ST18: variants seen among roughly 807,000 people sequenced by gnomAD.
ST18 encodes ST18 C2H2C-type zinc finger transcription factor, also known as suppression of tumorigenicity 18 protein.
A neutral mutation model predicts 110.0 loss-of-function variants in ST18; 50 were observed. The observed-to-expected ratio is 0.45, with a 90% CI of 0.36 to 0.58. The LOEUF (loss-of-function observed/expected upper bound fraction) is 0.58, where lower values mean the gene tolerates loss of function less well. Ranked by LOEUF, ST18 falls within the 20% of genes least tolerant of loss-of-function variation. The pLI is 0.00. For synonymous variants in ST18, 461 were observed against 452.4 expected, an observed-to-expected ratio of 1.02 and a Z score of -0.24; for missense variants, 1,306 against 1,280.1, an observed-to-expected ratio of 1.02 and a Z score of -0.31.
intron 4 of ST18, 118 bp from the exon 5 acceptor site, chr8:52,220,966 A>T (rs1358518382): frequency 6.6e-6 from 1 of 152,252 alleles, no homozygotes; most frequent in Non-Finnish European, 1.5e-5. Flanking sequence ...CTATAGTTTG[A>T]TTGTACTACA....
In ST18 at chr8:52,257,435, A is replaced by G. The variant is rs536653919; in HGVS notation, c.-464-27358T>C. 2.4e-4 allele frequency among the ~76,000 whole-genome samples: 37 copies of G among 152,044 alleles called. 1 individual carries two copies. The highest frequency in any genetic ancestry group is 6.3e-4 in the African/African-American group (26 of 41,502). ...AGAGTTCCAATTTCTCTCTATCCTC[A>G]CCAACACTTTTTATTGTCTATCTTT... is the stretch of plus-strand genomic sequence containing the variant. On this transcript the variant is annotated intron_variant, in intron 2 of 25. Transcript: ENST00000689386.
chr8:52,212,031 A>T, intron 8 of ST18, 48 bp downstream of exon 8: 1 of 1,568,732 alleles, frequency 6.4e-7, no homozygotes, highest in Non-Finnish European at 8.7e-7. Flanking sequence ...CATTCGAATA[A>T]TCAAGGCCCA....
intron 2 of ST18, among the ~76,000 whole-genome samples, chr8:52,336,900 C>A (rs1356568247): frequency 6.6e-6 from 1 of 152,192 alleles, no homozygotes; most frequent in Non-Finnish European, 1.5e-5. Context: ...CCCTACCATG[C>A]CCCTTCTGTA....
intron 15 of ST18, among the ~76,000 whole-genome samples, chr8:52,151,374 G>C (rs1048099904): frequency 4.6e-5 from 7 of 152,108 alleles, no homozygotes; most frequent in Non-Finnish European, 8.8e-5. Context: ...AGGTAAATAC[G>C]CTTCTAATAT....
At chr8:52,163,891 C>A (rs1587445620) in intron 13 of ST18, 95 bp downstream of exon 13, 5 of 932,944 alleles carry the variant, frequency 5.4e-6, no homozygotes, top group Non-Finnish European at 6.6e-6. Context: ...GAGGGGAGGT[C>A]AAGCCACAGA....
intron 2 of ST18, among the ~76,000 whole-genome samples, chr8:52,304,828 C>T (rs1329142875): frequency 6.6e-6 from 1 of 152,172 alleles, no homozygotes; most frequent in Admixed American, 6.5e-5. Context: ...GCTGTGTTCT[C>T]ACATGGAGGA....
intron 19 of ST18, among the ~76,000 whole-genome samples, chr8:52,134,823 G>A (rs11990419): frequency 0.06 from 9,153 of 152,174 alleles, 874 homozygotes; most frequent in African/African-American, 0.21. Flanking sequence ...CTGAGTAACC[G>A]TTCGTTTTGG....
chr8:52,115,955 C>G (rs999415399), intron 25 of ST18, among the ~76,000 whole-genome samples: 1 of 152,122 alleles, frequency 6.6e-6, no homozygotes, highest in Admixed American at 6.5e-5. Flanking sequence ...ATGGAATCTT[C>G]TACTTGGAAA....
chr8:52,405,491 G>A (rs1182821482), intron 2 of ST18: 1 of 152,092 alleles, frequency 6.6e-6, no homozygotes, highest in East Asian at 1.9e-4. Context: ...CTCTTTTGAG[G>A]ATTAAAACTT....
intron 2 of ST18, among the ~76,000 whole-genome samples, chr8:52,258,457 AT>A (rs1205054748): frequency 2.0e-5 from 3 of 152,086 alleles, no homozygotes; most frequent in Non-Finnish European, 2.9e-5. Context: ...TCTTTCAACA[AT>A]TTTTTATGGT....
Position 52,164,054 on chromosome 8 carries a change from C to G in ST18, c.1332G>C (p.Leu444Phe), listed in dbSNP as rs780442243. 1 of 1,614,062 alleles carries G rather than the reference C, an allele frequency of 6.2e-7. No homozygotes were observed. Among genetic ancestry groups the G allele is most frequent in the Admixed American group, 1.7e-5 (1 of 60,028 alleles). Reference protein sequence around the residue: ...SGCPIAAAEKLAMSQDKNQLD... With the variant: ...SGCPIAAAEKFAMSQDKNQLD... ...GCTGATTTTTATCCTGGGACATTGC[C>G]AATTTTTCAGCTGCAGCAATTGGAC... is the stretch of plus-strand genomic sequence containing the variant. Residue 444 changes from leucine (L) to phenylalanine (F), a missense_variant, in exon 13 of 26, where the codon TTG (leucine) becomes TTC (phenylalanine). Leu to Phe is a conservative substitution (Grantham distance 22, BLOSUM62 0). Coordinates refer to ENST00000689386, the MANE Select transcript of ST18 (RefSeq NM_001352837.2).
intron 5 of ST18, among the ~76,000 whole-genome samples, chr8:52,220,247 C>T (rs904913494): frequency 6.6e-6 from 1 of 152,084 alleles, no homozygotes; most frequent in Non-Finnish European, 1.5e-5. Context: ...AATCAAGCTC[C>T]TTCATATAGG....
intron 8 of ST18, among the ~76,000 whole-genome samples, chr8:52,192,201 G>C (rs1304235917): frequency 1.3e-5 from 2 of 152,162 alleles, no homozygotes; most frequent in South Asian, 2.1e-4. Flanking sequence ...AGAAATCAAT[G>C]CTGACAATGA....
chr8:52,319,182 T>G (rs2096081601), intron 2 of ST18, among the ~76,000 whole-genome samples: 1 of 152,248 alleles, frequency 6.6e-6, no homozygotes, highest in Non-Finnish European at 1.5e-5. Flanking sequence ...TTTTTTTATT[T>G]GTGGAAACTT....
intron 8 of ST18, among the ~76,000 whole-genome samples, chr8:52,195,489 A>C (rs2075916099): frequency 6.6e-6 from 1 of 152,100 alleles, no homozygotes; most frequent in African/African-American, 2.4e-5. Context: ...TCTTATTTTG[A>C]TCATAAAGAA....
At chr8:52,158,739 C>T (rs1200643167) in intron 15 of ST18, among the ~76,000 whole-genome samples, 159 bp downstream of exon 15, 1 of 152,238 alleles carries the variant, frequency 6.6e-6, no homozygotes, top group Non-Finnish European at 1.5e-5. Flanking sequence ...CCAAGCTCAT[C>T]CCTGCCTGCG....
chr8:52,163,815 T>C (rs1301444291), intron 13 of ST18, among the ~76,000 whole-genome samples, 171 bp downstream of exon 13: 1 of 152,270 alleles, frequency 6.6e-6, no homozygotes, highest in Middle Eastern at 3.4e-3. Context: ...TCAGCAACGA[T>C]GTCATTAACT....
intron 2 of ST18, among the ~76,000 whole-genome samples, chr8:52,277,931 T>C (rs1031175103): frequency 6.6e-6 from 1 of 152,160 alleles, no homozygotes; most frequent in Admixed American, 6.5e-5. Flanking sequence ...ATAACAACCA[T>C]AAAATAGAAA....
intron 2 of ST18, among the ~76,000 whole-genome samples, chr8:52,233,946 C>T (rs1033395364): frequency 6.6e-6 from 1 of 152,120 alleles, no homozygotes; most frequent in African/African-American, 2.4e-5. Flanking sequence ...TATTTATCAT[C>T]GATTCCTCTT....
Sources: allele counts gnomAD v4.1 joint callset (sites outside exome capture counted in the v4.1 genomes callset), GRCh38; gene constraint gnomAD v4.1.1; transcripts MANE v1.5; gene names NCBI Gene and HGNC (gene_info 2026-07-23, HGNC 2026-07-21).